The following ARHGAP25 variants were observed in gnomAD, a reference collection of about 807,000 sequenced individuals.
ARHGAP25 encodes the protein Rho GTPase activating protein 25, also known as rho GTPase-activating protein 25.
Under a neutral mutation model 71.0 loss-of-function variants are expected in ARHGAP25, and 34 were observed. The observed-to-expected ratio is 0.48, with a 90% CI of 0.36 to 0.64. ARHGAP25 has a LOEUF of 0.64. ARHGAP25 is among the 30% of genes least tolerant of loss of function. The pLI, the probability that ARHGAP25 is intolerant of heterozygous loss-of-function variation, is 0.00. For synonymous variants in ARHGAP25, 282 were observed against 296.5 expected (o/e 0.95, Z 0.50); for missense variants, 706 against 805.1 (o/e 0.88, Z 1.49).
chr2:68,775,129 G>GC, intron 1 of ARHGAP25, 92 bp from the exon 2 acceptor site: 1 of 1,605,428 alleles, frequency 6.2e-7, no homozygotes, highest in Admixed American at 1.7e-5. Flanking sequence ...CCGCTTCTCA[G>GC]CCCCCTCTGG....
intron 2 of ARHGAP25, among the ~76,000 whole-genome samples, chr2:68,722,193 G>A (rs1674778560): frequency 1.3e-5 from 2 of 152,190 alleles, no homozygotes; most frequent in Admixed American, 1.3e-4. Flanking sequence ...TAACTTACTA[G>A]TTATTCAGCT....
chr2:68,784,098 T>C (rs995033159), intron 3 of ARHGAP25, among the ~76,000 whole-genome samples: 2 of 152,168 alleles, frequency 1.3e-5, no homozygotes, highest in African/African-American at 4.8e-5. Context: ...CACTTATGTT[T>C]GCAGCAGTCT....
chr2:68,718,788 A>G (rs1008237154), intron 2 of ARHGAP25, among the ~76,000 whole-genome samples: 1 of 152,176 alleles, frequency 6.6e-6, no homozygotes, highest in Non-Finnish European at 1.5e-5. Context: ...CTGGGTGATA[A>G]GAGTGTCTTT....
At chr2:68,821,987 G>T in intron 9 of ARHGAP25, among the ~76,000 whole-genome samples, 1 of 122,646 alleles carries the variant, frequency 8.2e-6, no homozygotes, top group African/African-American at 3.2e-5. Flanking sequence ...TAATTTTTTA[G>T]GTCATGGAAA....
At chr2:68,819,624 G>T in intron 9 of ARHGAP25, 1 of 581,412 alleles carries the variant, frequency 1.7e-6, no homozygotes, top group Non-Finnish European at 3.1e-6. Context: ...GAAGTTCAGT[G>T]GGAAAAATGT....
chr2:68,784,644 A>G (rs1429145727), intron 3 of ARHGAP25, among the ~76,000 whole-genome samples: 4 of 152,082 alleles, frequency 2.6e-5, no homozygotes, highest in Non-Finnish European at 5.9e-5. Context: ...TGCATATGTT[A>G]TCTCATTTAG....
chr2:68,791,298 T>C (rs1422734579), intron 4 of ARHGAP25, among the ~76,000 whole-genome samples: 4 of 152,250 alleles, frequency 2.6e-5, no homozygotes, highest in Non-Finnish European at 4.4e-5. Context: ...TTCTCTTTTT[T>C]GTGCAGTACC....
chr2:68,754,974 T>G (rs552760584), intron 1 of ARHGAP25, among the ~76,000 whole-genome samples: 8 of 152,328 alleles, frequency 5.3e-5, no homozygotes, highest in African/African-American at 1.7e-4. Flanking sequence ...TCCTAACATG[T>G]GGCTTGCTTT....
chr2:68,775,013 G>T (rs1677770305), intron 1 of ARHGAP25: 8 of 1,468,376 alleles, frequency 5.4e-6, no homozygotes, highest in South Asian at 1.4e-5. Context: ...TTTTATTCTT[G>T]GCCTGGCCCT....
chr2:68,818,626 C>T (rs1681406905), intron 8 of ARHGAP25, among the ~76,000 whole-genome samples: 1 of 152,236 alleles, frequency 6.6e-6, no homozygotes, highest in African/African-American at 2.4e-5. Context: ...CTGTGCCCAG[C>T]CAGCTTTCAT....
intron 5 of ARHGAP25, among the ~76,000 whole-genome samples, chr2:68,810,929 A>T (rs1680763367): frequency 1.3e-5 from 2 of 151,894 alleles, no homozygotes; most frequent in Admixed American, 6.6e-5. Context: ...TTTAGTAGAG[A>T]TGGGGTTTTG....
intron 1 of ARHGAP25, 84 bp downstream of exon 1, chr2:68,735,344 T>A: frequency 7.1e-7 from 1 of 1,404,474 alleles, no homozygotes; most frequent in Non-Finnish European, 1.0e-6. Flanking sequence ...GGGAGCATAG[T>A]CTACTTAAAA....
intron 1 of ARHGAP25, among the ~76,000 whole-genome samples, chr2:68,745,026 C>T (rs540039456): frequency 2.0e-5 from 3 of 152,302 alleles, no homozygotes; most frequent in Non-Finnish European, 2.9e-5. Flanking sequence ...GACTTAACTA[C>T]GAAGACATAC....
At chr2:68,759,958 G>T (rs1676700198) in intron 1 of ARHGAP25, among the ~76,000 whole-genome samples, 1 of 151,882 alleles carries the variant, frequency 6.6e-6, no homozygotes, top group Non-Finnish European at 1.5e-5. Context: ...ACAGAAAAAT[G>T]ACGCAACTGC....
rs537546419 is a variant in ARHGAP25, at chr2:68,794,453, A to G, written c.466+6497A>G. Among the ~76,000 whole-genome samples, 9 of 152,200 alleles carry G rather than the reference A, an allele frequency of 5.9e-5. No individual in the cohort carries two copies. In the South Asian group the frequency reaches 1.7e-3, roughly 28 times the overall value. Reference sequence around the variant, plus strand: ...TTTGAGGCACGTTCCTCCTATGCCTAGTTTGTTGAGAATTTTTATTATGAA... The same window carrying G: ...TTTGAGGCACGTTCCTCCTATGCCTGGTTTGTTGAGAATTTTTATTATGAA... On this transcript the variant is annotated intron_variant, in intron 4 of 10. Transcript: ENST00000409202.
intron 7 of ARHGAP25, chr2:68,816,652 T>C (rs1235724138): frequency 3.4e-6 from 1 of 292,012 alleles, no homozygotes; most frequent in South Asian, 4.6e-5. Context: ...TCTAGAATGA[T>C]CTCCCATCTT....
At chr2:68,775,184 T>TC (rs768232011) in intron 1 of ARHGAP25, 37 bp from the exon 2 acceptor site, 1 of 1,614,190 alleles carries the variant, frequency 6.2e-7, no homozygotes, top group Non-Finnish European at 8.5e-7. Context: ...CTGCCCCATG[T>TC]CCCTCGGTCA....
rs986734750 is a variant in ARHGAP25 at position 68,735,145 on chromosome 2, G to A, written c.-55G>A. 131 of 1,442,094 alleles carry A rather than the reference G, an allele frequency of 9.1e-5. 1 individual carries two copies. Among genetic ancestry groups the A allele is most frequent in the South Asian group, 4.1e-4 (36 of 87,530 alleles). The allele number at this position is 1,442,094 out of a possible 1,614,324, so 89.3% of individuals were successfully genotyped here. A position where few individuals can be genotyped will look rare whatever the true frequency, so the allele number is the denominator to read the frequency against. On this transcript the variant is annotated 5_prime_UTR_variant, in exon 1 of 11. Coordinates refer to ENST00000409202, the MANE Select transcript of ARHGAP25 (RefSeq NM_001007231.3). ...GAAAGAGTGAAAAGACAAGAAGGGCGCAAACTGTGACAGACTCACCGCTTC... is the reference window on the plus strand; with the variant it reads ...GAAAGAGTGAAAAGACAAGAAGGGCACAAACTGTGACAGACTCACCGCTTC...
intron 6 of ARHGAP25, 55 bp from the exon 7 acceptor site, chr2:68,816,234 A>T (rs1270426438): frequency 6.8e-7 from 1 of 1,462,484 alleles, no homozygotes; most frequent in Non-Finnish European, 9.6e-7. Flanking sequence ...CCTTGCTGGC[A>T]CATGGGCAGG....
Sources: gnomAD v4.1 joint callset for allele counts (sites outside exome capture counted in the v4.1 genomes callset) on GRCh38, gnomAD v4.1.1 for gene constraint, MANE v1.5 for transcripts, NCBI Gene and HGNC (gene_info 2026-07-23, HGNC 2026-07-21) for gene names.